Variants in LARP1 observed in about 807,000 individuals in gnomAD.
LARP1 encodes La ribonucleoprotein 1, translational regulator, also known as la-related protein 1.
In LARP1, 36 loss-of-function variants were observed where a neutral mutation model predicts 122.7. The ratio of observed to expected loss-of-function variants is 0.29; its 90% CI spans 0.22 to 0.39. The LOEUF is 0.39. LARP1 is among the 10% of genes least tolerant of loss of function. The pLI is 1.00. For synonymous variants in LARP1, 539 were observed against 528.7 expected (o/e 1.02, Z -0.27); for missense variants, 1,040 against 1,403.6 (o/e 0.74, Z 4.14).
chr5:154,759,392 C>T (rs1754263643), intron 1 of LARP1, among the ~76,000 whole-genome samples: 5 of 152,090 alleles, frequency 3.3e-5, no homozygotes. Context: ...TGGGATCTGT[C>T]TCCTTAAAAC....
intron 14 of LARP1, 84 bp downstream of exon 14, chr5:154,804,391 T>A: frequency 9.6e-7 from 1 of 1,037,106 alleles, no homozygotes; most frequent in Non-Finnish European, 1.5e-6. Context: ...CCAAGAAGAT[T>A]GGTCTGAAAA....
rs1351872926 is a variant in LARP1, at chr5:154,785,037, TC to T, written c.437-5286del. 2.0e-5 allele frequency among the ~76,000 whole-genome samples: 3 copies of T among 152,240 alleles called. 1 individual carries two copies. Among genetic ancestry groups the T allele is most frequent in the African/African-American group, 7.2e-5 (3 of 41,464 alleles). ...CTCTTGTCAGCCTTCGCCATGTTCT[TC>T]CTTCCTCCCTAACAAAGCAGGGCTT... On this transcript the variant is annotated intron_variant, in intron 1 of 18. Transcript: ENST00000518297.
At chr5:154,763,711 CTG>C (rs1754669918) in intron 1 of LARP1, among the ~76,000 whole-genome samples, 1 of 151,884 alleles carries the variant, frequency 6.6e-6, no homozygotes, top group African/African-American at 2.4e-5. Context: ...CAATTAAACA[CTG>C]TGTCCTGGCC....
rs567542461 is a variant in LARP1 at position 154,713,108 on chromosome 5, C to T, written c.183C>T (p.Val61=). The T allele has an allele frequency of 7.4e-6, 12 of 1,613,798 alleles. No individual in the cohort carries two copies. The South Asian group carries it at 1.3e-4, about 18-fold the overall frequency. Residue 61 remains valine (V), a synonymous_variant, in exon 1 of 19, where the codon GTC becomes GTT. Transcript: ENST00000336314. ...GGGAGAAGCCATTGCCATTCCCTGT[C>T]CTGGCCCCCTTCAGCAACCCTGGTG...
At chr5:154,779,036 C>CG (rs1756164257) in intron 1 of LARP1, among the ~76,000 whole-genome samples, 1 of 152,064 alleles carries the variant, frequency 6.6e-6, no homozygotes. Context: ...CTTACCCCAC[C>CG]TTTTTTTGGG....
chr5:154,773,003 T>TTA (rs1476809489), intron 1 of LARP1, among the ~76,000 whole-genome samples: 5 of 148,220 alleles, frequency 3.4e-5, no homozygotes, highest in African/African-American at 1.0e-4. Context: ...TTTTTTTTTT[T>TTA]AAAAGACCTT....
rs1176759764 is a variant in LARP1 at position 154,691,096 on chromosome 5, A to G, written c.-180+8059A>G. 4.4e-5 allele frequency among the ~76,000 whole-genome samples: 5 copies of G among 114,942 alleles called. No homozygotes were observed. In the East Asian group the frequency reaches 1.0e-3, roughly 23 times the overall value. 75.4% of individuals were successfully genotyped at this position (114,942 alleles called of 152,430 possible). On this transcript the variant is annotated intron_variant, in intron 1 of 18. Transcript: ENST00000687700. ...AACACGGTGAAACCGCGTCTCTACTAAAAAAAGAAAAAAAAATTAGCCGGG... is the reference window on the plus strand; with the variant it reads ...AACACGGTGAAACCGCGTCTCTACTGAAAAAAGAAAAAAAAATTAGCCGGG...
chr5:154,811,999 CCA>C (rs1759312326), intron 18 of LARP1, among the ~76,000 whole-genome samples: 1 of 152,152 alleles, frequency 6.6e-6, no homozygotes, highest in Non-Finnish European at 1.5e-5. Context: ...AATTCCAACC[CCA>C]GTTTATAAAT....
chr5:154,764,935 A>C (rs1035983689), intron 1 of LARP1, among the ~76,000 whole-genome samples: 1 of 151,660 alleles, frequency 6.6e-6, no homozygotes, highest in Non-Finnish European at 1.5e-5. Context: ...AACAAAAAAA[A>C]CCTATGTCCA....
In LARP1 at chr5:154,815,617, C is replaced by A. The variant is rs1184602492; in HGVS notation, c.*1521C>A. 1 of 152,304 alleles carries A rather than the reference C, an allele frequency of 6.6e-6. No individual in the cohort carries two copies. The highest frequency in any genetic ancestry group is 1.9e-4 in the East Asian group (1 of 5,180). 9.4% of individuals were successfully genotyped at this position (152,304 alleles called of 1,614,324 possible). ...ATACCCTTCTGCAAGCCATCTATCT[C>A]TGCTCACTCTCCAATTGACCCGCCT... On this transcript the variant is annotated 3_prime_UTR_variant, in exon 19 of 19. Transcript: ENST00000518297.
intron 1 of LARP1, among the ~76,000 whole-genome samples, chr5:154,734,481 C>T (rs1243686265): frequency 1.3e-5 from 2 of 152,118 alleles, no homozygotes; most frequent in African/African-American, 4.8e-5. Context: ...GAAATAACCA[C>T]TGGTAATCTT....
Position 154,755,894 on chromosome 5 carries a change from G to T in LARP1, c.137G>T (p.Gly46Val), listed in dbSNP as rs768189657. The T allele has an allele frequency of 1.2e-4, 126 of 1,011,408 alleles. No homozygotes were observed. The Middle Eastern group carries it at 1.5e-3, about 12-fold the overall frequency. The allele number at this position is 1,011,408 out of a possible 1,614,324, so 62.7% of individuals were successfully genotyped here. ...GAGCCCGGGCCAAACGACGTCCGCGGGGGGGAGCCGGACGGCAGCGCTCGG... is the reference window on the plus strand; with the variant it reads ...GAGCCCGGGCCAAACGACGTCCGCGTGGGGGAGCCGGACGGCAGCGCTCGG... Reference protein sequence around the residue: ...KGEPGPNDVRGGEPDGSARRP... With the variant: ...KGEPGPNDVRVGEPDGSARRP... The change falls in exon 1 of 19, where the codon GGG becomes GTG. Residue 46 changes from glycine (G) to valine (V), a missense_variant. Around this residue, in one of 8 missense-constraint regions of LARP1, gnomAD observed 257 missense variants for 273.3 expected, o/e 0.94. Transcript: ENST00000518297.
At chr5:154,685,761 G>A (rs751075488) in intron 1 of LARP1, 3 of 489,042 alleles carry the variant, frequency 6.1e-6, no homozygotes, top group Admixed American at 2.2e-5. Flanking sequence ...ACTTGAGGCC[G>A]GGAGTTTGAG....
chr5:154,687,696 G>A (rs1394930632), intron 1 of LARP1, among the ~76,000 whole-genome samples: 2 of 152,082 alleles, frequency 1.3e-5, no homozygotes, highest in East Asian at 1.9e-4. Flanking sequence ...TTATATATAA[G>A]TTGGGAGGCT....
At chr5:154,729,856 G>A (rs1442338969) in intron 1 of LARP1, among the ~76,000 whole-genome samples, 1 of 152,136 alleles carries the variant, frequency 6.6e-6, no homozygotes, top group Non-Finnish European at 1.5e-5. Flanking sequence ...AATAGAGCAG[G>A]CAAAAAAGTA....
chr5:154,710,367 T>C (rs1165006107), upstream of LARP1, among the ~76,000 whole-genome samples: 3 of 152,082 alleles, frequency 2.0e-5, no homozygotes, highest in Admixed American at 2.0e-4. Flanking sequence ...ATCCCAGTAC[T>C]TTGGAAGGCC....
intron 1 of LARP1, among the ~76,000 whole-genome samples, chr5:154,694,310 G>C (rs1489804276): frequency 6.6e-6 from 1 of 152,134 alleles, no homozygotes; most frequent in African/African-American, 2.4e-5. Context: ...AGGCCGAAGT[G>C]CAGTGGTGTG....
At chr5:154,755,376 C>A (rs1753766725), upstream of LARP1, among the ~76,000 whole-genome samples, 1 of 151,058 alleles carries the variant, frequency 6.6e-6, no homozygotes, top group Admixed American at 6.6e-5. Flanking sequence ...CTCCCCCGTC[C>A]GTCCATATTG....
rs891324472 is a variant in LARP1, at chr5:154,815,936, GCTTA to G, written c.*1847_*1850del. On this transcript the variant is annotated 3_prime_UTR_variant, in exon 19 of 19. Coordinates refer to ENST00000518297, the MANE Select transcript of LARP1 (RefSeq NM_033551.3). ...GCAACATGGAGTTCATTGTCCTGTT[GCTTA>G]CTTACTGCAATGTCTTTGGCCCTCC... The G allele has an allele frequency of 4.6e-5, 7 of 152,268 alleles. No individual in the cohort carries two copies. Among genetic ancestry groups the G allele is most frequent in the Non-Finnish European group, 2.9e-5 (2 of 68,074 alleles). 9.4% of individuals were successfully genotyped at this position (152,268 alleles called of 1,614,324 possible).
Sources: allele counts gnomAD v4.1 joint callset (sites outside exome capture counted in the v4.1 genomes callset), GRCh38; gene constraint gnomAD v4.1.1; regional missense constraint gnomAD v4.1.1; transcripts MANE v1.5; gene names NCBI Gene and HGNC (gene_info 2026-07-23, HGNC 2026-07-21).